GBX1: variants seen among roughly 807,000 people sequenced by gnomAD.
GBX1 encodes homeobox protein GBX-1.
In GBX1, 9 loss-of-function variants were observed where a neutral mutation model predicts 22.9. That is an observed-to-expected ratio of 0.39 (90% CI 0.24 to 0.69). GBX1 has a LOEUF of 0.69. Ranked by LOEUF, GBX1 falls within the 30% of genes least tolerant of loss-of-function variation. The pLI is 0.43. For synonymous variants in GBX1, 203 were observed against 227.3 expected, an observed-to-expected ratio of 0.89 and a Z score of 0.96; for missense variants, 494 against 509.2, an observed-to-expected ratio of 0.97 and a Z score of 0.29.
rs1285863502 is a variant in GBX1 at position 151,167,330 on chromosome 7, G to T, written c.219C>A (p.Leu73=). ...PAPLPAGLPP[L]APLASFAGRL... Reference sequence around the variant, plus strand: ...GGCCGGCGAAAGAGGCTAGCGGGGCGAGGGGCGGGAGGCCAGCGGGCAGCG... The same window carrying T: ...GGCCGGCGAAAGAGGCTAGCGGGGCTAGGGGCGGGAGGCCAGCGGGCAGCG... Residue 73 remains leucine (L), a synonymous_variant, in exon 1 of 2, where the codon CTC becomes CTA. Transcript: ENST00000297537. This position sits in a 1 kb window ranked among gnomAD's most constrained non-coding sequence, Gnocchi z 5.9. The T allele has an allele frequency of 6.6e-7, 1 of 1,513,560 alleles. No individual in the cohort carries two copies. The highest frequency in any genetic ancestry group is 1.3e-5 in the South Asian group (1 of 79,004). The allele number at this position is 1,513,560 out of a possible 1,614,324, so 93.8% of individuals were successfully genotyped here. A position where few individuals can be genotyped will look rare whatever the true frequency, so the allele number is the denominator to read the frequency against.
intron 1 of GBX1, chr7:151,149,824 T>C (rs1209439280): frequency 2.3e-6 from 1 of 438,572 alleles, no homozygotes; most frequent in African/African-American, 2.0e-5. Flanking sequence ...TGCAGCACCT[T>C]GAGTGTGGCC....
chr7:151,148,935 G>C lies in GBX1; in HGVS notation c.746C>G (p.Pro249Arg). Reference sequence around the variant, plus strand: ...AGGAGCTGTGACCCCTGCTGTCACCGGTGCCCCCTCCTCAGCTCCAGTCCC... The same window carrying C: ...AGGAGCTGTGACCCCTGCTGTCACCCGTGCCCCCTCCTCAGCTCCAGTCCC... ...SLGTGAEEGA[P>R]VTAGVTAPGG... The change falls in exon 2 of 2, where the codon CCG becomes CGG. Residue 249 changes from proline to arginine, a missense_variant. Pro to Arg is a moderately radical substitution (Grantham distance 103). This residue lies in a region of GBX1 where 5 missense variants were observed against 16.7 expected (regional missense o/e 0.30). Transcript: ENST00000297537. This position sits in a 1 kb window ranked among gnomAD's most constrained non-coding sequence, Gnocchi z 5.1. The C allele has an allele frequency of 1.2e-6, 2 of 1,614,036 alleles. No homozygotes were observed. The highest frequency in any genetic ancestry group is 1.7e-6 in the Non-Finnish European group (2 of 1,180,000).
intron 1 of GBX1, among the ~76,000 whole-genome samples, chr7:151,150,308 AAC>A (rs1434585727): frequency 1.3e-5 from 2 of 152,370 alleles, no homozygotes; most frequent in South Asian, 2.1e-4. Context: ...AAAGCAGTGA[AAC>A]AAGTCAAAAG....
chr7:151,159,156 C>T (rs1411563667), intron 1 of GBX1, among the ~76,000 whole-genome samples: 1 of 151,068 alleles, frequency 6.6e-6, no homozygotes, highest in African/African-American at 2.4e-5. Context: ...ATGATCTTGG[C>T]TCAGTGCAGC....
At chr7:151,151,291 C>T (rs755954611) in intron 1 of GBX1, among the ~76,000 whole-genome samples, 3 of 152,176 alleles carry the variant, frequency 2.0e-5, no homozygotes, top group African/African-American at 7.2e-5. Context: ...GCTTCACTGG[C>T]GCCCAGCATC....
intron 1 of GBX1, among the ~76,000 whole-genome samples, chr7:151,152,600 G>T (rs972098136): frequency 1.3e-5 from 2 of 152,174 alleles, no homozygotes; most frequent in African/African-American, 4.8e-5. Flanking sequence ...AGACTTCGAG[G>T]CTTGAAGGAT....
rs747405606 is a variant in GBX1 at position 151,167,028 on chromosome 7, G to A, written c.521C>T (p.Thr174Ile). Residue 174 changes from threonine to isoleucine, a missense_variant, in exon 1 of 2, where the codon ACT (threonine) becomes ATT (isoleucine). This residue lies in a region of GBX1 where 365 missense variants were observed against 340.4 expected (regional missense o/e 1.07). Coordinates refer to ENST00000297537, the MANE Select transcript of GBX1 (RefSeq NM_001098834.3). This position sits in a 1 kb window ranked among gnomAD's most constrained non-coding sequence, Gnocchi z 5.9. ...PPPPPPHFSE[T>I]FPSLPAEGKV... ...GCACTTACCGGGCAGACTTGGAAAAGTCTCTGAGAAGTGCGGAGGCGGAGG... is the reference window on the plus strand; with the variant it reads ...GCACTTACCGGGCAGACTTGGAAAAATCTCTGAGAAGTGCGGAGGCGGAGG... 6.2e-7 allele frequency: 1 copy of A among 1,603,284 alleles called. No homozygotes were observed. Among genetic ancestry groups the A allele is most frequent in the Non-Finnish European group, 8.5e-7 (1 of 1,176,512 alleles).
chr7:151,162,592 C>T (rs1222961129), intron 1 of GBX1, among the ~76,000 whole-genome samples: 2 of 152,174 alleles, frequency 1.3e-5, no homozygotes, highest in Non-Finnish European at 2.9e-5. Flanking sequence ...TCTATATAAC[C>T]TTAAACTACA....
At chr7:151,161,485 T>C (rs1265915575) in intron 1 of GBX1, among the ~76,000 whole-genome samples, 2 of 152,222 alleles carry the variant, frequency 1.3e-5, no homozygotes, top group Non-Finnish European at 2.9e-5. Flanking sequence ...TGCCCTTAAG[T>C]CCTTTGTCAG....
chr7:151,163,454 C>T (rs556754897), intron 1 of GBX1, among the ~76,000 whole-genome samples: 5 of 152,298 alleles, frequency 3.3e-5, no homozygotes, highest in East Asian at 1.9e-4. Context: ...ATGTTGAATA[C>T]GGTCACCACT....
intron 1 of GBX1, among the ~76,000 whole-genome samples, chr7:151,164,897 C>T (rs1362974128): frequency 6.8e-6 from 1 of 148,086 alleles, no homozygotes; most frequent in Non-Finnish European, 1.5e-5. Context: ...AAAATTACTC[C>T]TAGTGTTGAA....
rs941779280 is a variant in GBX1, at chr7:151,167,376, G to T, written c.173C>A (p.Pro58Gln). 9 of 1,511,712 alleles carry T rather than the reference G, an allele frequency of 6.0e-6. No homozygotes were observed. The highest frequency in any genetic ancestry group is 2.8e-5 in the East Asian group (1 of 36,344). 93.6% of individuals were successfully genotyped at this position (1,511,712 alleles called of 1,614,324 possible). The change falls in exon 1 of 2, where the codon CCG (proline) becomes CAG (glutamine). Residue 58 changes from proline (P) to glutamine (Q), a missense_variant. Transcript: ENST00000297537. This position sits in a 1 kb window ranked among gnomAD's most constrained non-coding sequence, Gnocchi z 5.9. ...MFMPYRPLVLPQALAPAPLPA... is the reference protein window; with the variant it reads ...MFMPYRPLVLQQALAPAPLPA... Reference sequence around the variant, plus strand: ...CAGCGGCGCAGGGGCCAGCGCCTGCGGCAGCACGAGCGGCCGGTAGGGCAT... The same window carrying T: ...CAGCGGCGCAGGGGCCAGCGCCTGCTGCAGCACGAGCGGCCGGTAGGGCAT...
chr7:151,151,677 A>G (rs1801080984), intron 1 of GBX1, among the ~76,000 whole-genome samples: 2 of 152,146 alleles, frequency 1.3e-5, no homozygotes, highest in African/African-American at 4.8e-5. Flanking sequence ...CAGTCCATCT[A>G]CAAGCCCTGC....
At chr7:151,156,149 C>T (rs1269192909) in intron 1 of GBX1, among the ~76,000 whole-genome samples, 1 of 151,744 alleles carries the variant, frequency 6.6e-6, no homozygotes, top group African/African-American at 2.4e-5. Context: ...TTTGGGAAGC[C>T]AAGGCGGGCA....
intron 1 of GBX1, among the ~76,000 whole-genome samples, chr7:151,159,378 T>A (rs1194873778): frequency 6.6e-6 from 1 of 152,088 alleles, no homozygotes; most frequent in Non-Finnish European, 1.5e-5. Flanking sequence ...AGAGACTGAA[T>A]TTTTGTTGTT....
chr7:151,163,243 G>T (rs77434485), intron 1 of GBX1, among the ~76,000 whole-genome samples: 2 of 151,578 alleles, frequency 1.3e-5, no homozygotes, highest in African/African-American at 4.9e-5. Context: ...CTCAGCCAGA[G>T]CTCACACAAA....
rs780368049 is a variant in GBX1, at chr7:151,166,997, G to C, written c.538+14C>G. On this transcript the variant is annotated intron_variant, in intron 1 of 1. Coordinates refer to ENST00000297537, the MANE Select transcript of GBX1 (RefSeq NM_001098834.3). ...ACCGGCCTCCCGCCAGCCCTGGTCG[G>C]CCCTAGCACTTACCGGGCAGACTTG... 6.2e-7 allele frequency: 1 copy of C among 1,604,558 alleles called. No individual in the cohort carries two copies. The highest frequency in any genetic ancestry group is 1.4e-5 in the African/African-American group (1 of 73,308).
At chr7:151,161,761 A>C (rs1801190547) in intron 1 of GBX1, among the ~76,000 whole-genome samples, 1 of 152,210 alleles carries the variant, frequency 6.6e-6, no homozygotes, top group African/African-American at 2.4e-5. Context: ...TGAAGTGATA[A>C]AAAATAAAGG....
chr7:151,150,624 C>T (rs113192671), intron 1 of GBX1, among the ~76,000 whole-genome samples: 23 of 152,288 alleles, frequency 1.5e-4, no homozygotes, highest in African/African-American at 5.3e-4. Context: ...TCCTTCAGCA[C>T]ACCCCGCCCC....
Sources: gnomAD v4.1 joint callset for allele counts (sites outside exome capture counted in the v4.1 genomes callset) on GRCh38, gnomAD v4.1.1 for gene constraint, gnomAD v4.1.1 regional missense constraint, Gnocchi (gnomAD v3.1) non-coding constraint, MANE v1.5 for transcripts, NCBI Gene and HGNC (gene_info 2026-07-23, HGNC 2026-07-21) for gene names.